ANK3: variants seen among roughly 807,000 people sequenced by gnomAD.
ANK3 encodes ankyrin-3.
A neutral mutation model predicts 370.9 loss-of-function variants in ANK3; 57 were observed. The observed-to-expected ratio is 0.15, with a 90% CI of 0.12 to 0.19. The LOEUF (loss-of-function observed/expected upper bound fraction) is 0.19, where lower values mean the gene tolerates loss of function less well. Among genes scored for constraint, ANK3 ranks in the 10% least tolerant of loss-of-function variants. The probability of loss-of-function intolerance (pLI) is 1.00; values close to 1 mark genes in which losing one functional copy is unlikely to be tolerated. For missense variants in ANK3, 4,439 were observed against 5,302.1 expected (o/e 0.84, Z 5.06); for synonymous variants, 1,929 against 1,946.3 (o/e 0.99, Z 0.23).
In ANK3 at chr10:60,198,384, C is replaced by T. The variant is rs754197385; in HGVS notation, c.1645G>A (p.Ala549Thr). The change falls in exon 14 of 44, where the codon GCG becomes ACG. Residue 549 changes from alanine to threonine, a missense_variant. Coordinates refer to ENST00000280772, the MANE Select transcript of ANK3 (RefSeq NM_020987.5). ...GACGCTCCATGATCCAAAAGGAACG[C>T]GGCCACATCCTCATGCCCCTCTCGG... ...SAREGHEDVA[A>T]FLLDHGASLS... 39 of 1,614,090 alleles carry T rather than the reference C, an allele frequency of 2.4e-5. No homozygotes were observed. Among genetic ancestry groups the T allele is most frequent in the Admixed American group, 1.7e-4 (10 of 60,010 alleles).
At chr10:60,182,080 T>A (rs1215284898) in intron 17 of ANK3, among the ~76,000 whole-genome samples, 2 of 117,144 alleles carry the variant, frequency 1.7e-5, no homozygotes, top group Non-Finnish European at 3.7e-5. Flanking sequence ...AAAATTAGAC[T>A]TTTTTTTTTT....
At chr10:60,312,749 G>T in intron 1 of ANK3, among the ~76,000 whole-genome samples, 1 of 152,290 alleles carries the variant, frequency 6.6e-6, no homozygotes, top group Admixed American at 6.5e-5. Flanking sequence ...CAAATAAAGA[G>T]ATTTTATGAG....
chr10:60,240,064 T>TAC (rs1555184920), intron 7 of ANK3, among the ~76,000 whole-genome samples: 7 of 68,012 alleles, frequency 1.0e-4, no homozygotes, highest in African/African-American at 2.6e-4. Flanking sequence ...TACACATATA[T>TAC]ACATATATAT....
Position 60,688,926 on chromosome 10 carries a change from C to T in ANK3, c.57+44337G>A, listed in dbSNP as rs565824395. On this transcript the variant is annotated intron_variant, in intron 1 of 43. Transcript: ENST00000373827. ...TCGTGCCACTGCACTCCAGCCTAGG[C>T]GACAGAGTGAGACTCCGTTTCAAAA... Among the ~76,000 whole-genome samples the T allele has an allele frequency of 1.1e-4, 16 of 147,096 alleles. No homozygotes were observed. In the East Asian group the frequency reaches 1.6e-3, roughly 15 times the overall value.
rs1387865407 is a variant in ANK3 at position 60,607,135 on chromosome 10, C to T, written c.96+8051G>A. On this transcript the variant is annotated intron_variant, in intron 2 of 43. Transcript: ENST00000373827. ...TCCATATATATGCACTCATTGAACA[C>T]AAGAACTTTAGAAAGCATTATCTTC... 2.6e-5 allele frequency among the ~76,000 whole-genome samples: 4 copies of T among 152,284 alleles called. No individual in the cohort carries two copies. In the South Asian group the frequency reaches 8.3e-4, roughly 32 times the overall value.
chr10:60,641,185 T>G (rs1275329968), intron 1 of ANK3, among the ~76,000 whole-genome samples: 1 of 148,222 alleles, frequency 6.7e-6, no homozygotes, highest in Admixed American at 6.8e-5. Flanking sequence ...GAATCAATAT[T>G]GTGAAAATGG....
intron 10 of ANK3, 91 bp from the exon 11 acceptor site, chr10:60,205,981 TGTG>T: frequency 1.2e-6 from 1 of 815,456 alleles, no homozygotes; most frequent in Non-Finnish European, 2.1e-6. Flanking sequence ...TAAAATGATG[TGTG>T]GTAAATTGAA....
chr10:60,186,210 A>G (rs1591440502), intron 17 of ANK3, among the ~76,000 whole-genome samples: 1 of 151,704 alleles, frequency 6.6e-6, no homozygotes, highest in African/African-American at 2.4e-5. Flanking sequence ...TTGAATTAAC[A>G]TTATAACAAA....
intron 2 of ANK3, among the ~76,000 whole-genome samples, chr10:60,598,123 GAAC>G (rs1352874189): frequency 3.9e-5 from 6 of 152,038 alleles, no homozygotes; most frequent in African/African-American, 1.2e-4. Context: ...CTTTAAAAAA[GAAC>G]AACAACAACT....
At chr10:60,220,468 CT>C (rs1374509906) in intron 8 of ANK3, among the ~76,000 whole-genome samples, 1 of 152,176 alleles carries the variant, frequency 6.6e-6, no homozygotes, top group Non-Finnish European at 1.5e-5. Flanking sequence ...CTCTTTAAAT[CT>C]GATAAGAAAC....
chr10:60,483,550 G>T (rs1315122222), intron 2 of ANK3, among the ~76,000 whole-genome samples: 1 of 152,020 alleles, frequency 6.6e-6, no homozygotes, highest in Non-Finnish European at 1.5e-5. Flanking sequence ...GATCCAATGG[G>T]TTCTGTTCAG....
intron 2 of ANK3, among the ~76,000 whole-genome samples, chr10:60,494,684 T>C (rs755132150): frequency 3.0e-4 from 46 of 152,298 alleles, no homozygotes; most frequent in Admixed American, 1.4e-3. Flanking sequence ...TTTTATTAGT[T>C]ACTATAACAG....
chr10:60,265,759 T>C (rs1450934011), intron 5 of ANK3, among the ~76,000 whole-genome samples: 1 of 152,092 alleles, frequency 6.6e-6, no homozygotes, highest in East Asian at 1.9e-4. Context: ...GGAGAAAGGC[T>C]CTCATAATTC....
intron 2 of ANK3, among the ~76,000 whole-genome samples, chr10:60,458,588 G>A (rs746439269): frequency 6.6e-6 from 1 of 152,154 alleles, no homozygotes; most frequent in African/African-American, 2.4e-5. Context: ...ACCTTTGGGA[G>A]CAGAAGAGAT....
intron 2 of ANK3, among the ~76,000 whole-genome samples, chr10:60,429,399 G>A (rs1394918714): frequency 6.6e-6 from 1 of 152,138 alleles, no homozygotes; most frequent in East Asian, 1.9e-4. Flanking sequence ...GGGGAAAAGA[G>A]GGTACACATA....
chr10:60,158,238 T>C (rs890621208), intron 23 of ANK3, among the ~76,000 whole-genome samples: 4 of 152,122 alleles, frequency 2.6e-5, no homozygotes, highest in Admixed American at 2.0e-4. Context: ...AGTTCTTCAG[T>C]ATGAAAGAAA....
At chr10:60,601,173 GCACACA>G (rs55896952) in intron 2 of ANK3, among the ~76,000 whole-genome samples, 4 of 147,620 alleles carry the variant, frequency 2.7e-5, no homozygotes, top group South Asian at 2.1e-4. Flanking sequence ...TTTATACAAC[GCACACA>G]CACACACACA....
chr10:60,186,681 T>C (rs1178876971), intron 17 of ANK3, 34 bp downstream of exon 17: 1 of 1,607,144 alleles, frequency 6.2e-7, no homozygotes, highest in Non-Finnish European at 8.5e-7. Context: ...GGTTTTGGTG[T>C]GCTGCATGCT....
intron 2 of ANK3, among the ~76,000 whole-genome samples, chr10:60,420,264 A>G (rs1340969654): frequency 6.6e-6 from 1 of 152,138 alleles, no homozygotes; most frequent in African/African-American, 2.4e-5. Context: ...AACACTATTT[A>G]AAAACAGAAT....
Sources: gnomAD v4.1 joint callset for allele counts (sites outside exome capture counted in the v4.1 genomes callset) on GRCh38, gnomAD v4.1.1 for gene constraint, MANE v1.5 for transcripts, NCBI Gene and HGNC (gene_info 2026-07-23, HGNC 2026-07-21) for gene names.